DDX4: variants seen among roughly 807,000 people sequenced by gnomAD.
The protein encoded by DDX4 is probable ATP-dependent RNA helicase DDX4.
In DDX4, 25 loss-of-function variants were observed where a neutral mutation model predicts 100.0. The observed-to-expected ratio is 0.25, with a 90% CI of 0.18 to 0.35. The LOEUF is 0.35. DDX4 is among the 10% of genes least tolerant of loss of function. The pLI is 1.00. For synonymous variants in DDX4, 259 were observed against 275.7 expected (o/e 0.94, Z 0.60); for missense variants, 635 against 882.4 (o/e 0.72, Z 3.55).
At chr5:55,807,821 G>C (rs576877502) in intron 18 of DDX4, among the ~76,000 whole-genome samples, 1 of 152,146 alleles carries the variant, frequency 6.6e-6, no homozygotes, top group Non-Finnish European at 1.5e-5. Context: ...TCTTCTCGAG[G>C]AGTATCTTTG....
At chr5:55,770,757 A>C (rs1414075481) in intron 7 of DDX4, among the ~76,000 whole-genome samples, 1 of 152,002 alleles carries the variant, frequency 6.6e-6, no homozygotes, top group African/African-American at 2.4e-5. Flanking sequence ...AATTGTGGAG[A>C]GGGGTGGTGG....
intron 4 of DDX4, among the ~76,000 whole-genome samples, chr5:55,761,230 T>C (rs1448264004): frequency 2.6e-5 from 4 of 152,200 alleles, no homozygotes; most frequent in Non-Finnish European, 5.9e-5. Context: ...TTGGACAATG[T>C]AATTGTGCTA....
At chr5:55,767,025 G>A in intron 6 of DDX4, 1 of 1,482,816 alleles carries the variant, frequency 6.7e-7, no homozygotes, top group Non-Finnish European at 8.9e-7. Flanking sequence ...TAAAACTCTG[G>A]GAATGTTACT....
rs979457128 is a variant in DDX4, at chr5:55,792,762, G to A, written c.1424G>A (p.Arg475His). The change falls in exon 17 of 22, where the codon CGC becomes CAC. Residue 475 changes from arginine to histidine, a missense_variant. Physicochemically the swap from Arg to His is conservative, Grantham distance 29 (BLOSUM62 0). Transcript: ENST00000505374. ...SCPGMPSKEQ[R>H]QTLMFSATFP... ...CCAGGAATGCCATCAAAGGAACAGC[G>A]CCAAACCCTTATGTTCAGTGCAACT... 7 of 1,582,328 alleles carry A rather than the reference G, an allele frequency of 4.4e-6. No homozygotes were observed. Among genetic ancestry groups the A allele is most frequent in the South Asian group, 1.2e-5 (1 of 85,488 alleles).
rs552942548 is a variant in DDX4, at chr5:55,749,052, A to G, written c.127+2831A>G. 9.7e-4 allele frequency among the ~76,000 whole-genome samples: 148 copies of G among 152,324 alleles called. No homozygotes were observed. In the Middle Eastern group the frequency reaches 0.01, roughly 11 times the overall value. On this transcript the variant is annotated intron_variant, in intron 3 of 21. Transcript: ENST00000505374. ...TTGCTTTTATTTAATAGTCATGGAA[A>G]CCCTTCTAAACAACTGGTATTATCT...
At chr5:55,758,420 G>A (rs1271801729) in intron 3 of DDX4, among the ~76,000 whole-genome samples, 1 of 152,092 alleles carries the variant, frequency 6.6e-6, no homozygotes. Flanking sequence ...TGTAGAATGA[G>A]TTGGTGAGTA....
chr5:55,762,965 A>G (rs1436518234), intron 4 of DDX4, among the ~76,000 whole-genome samples: 2 of 152,102 alleles, frequency 1.3e-5, no homozygotes, highest in Non-Finnish European at 2.9e-5. Flanking sequence ...GCTGTGTTTC[A>G]CCGGTAGTAG....
At chr5:55,765,386 T>C (rs913752167) in intron 6 of DDX4, among the ~76,000 whole-genome samples, 3 of 123,434 alleles carry the variant, frequency 2.4e-5, no homozygotes, top group African/African-American at 9.6e-5. Flanking sequence ...TTTTCGTTTT[T>C]AGTTCCCCTA....
intron 7 of DDX4, among the ~76,000 whole-genome samples, chr5:55,770,802 C>T (rs1741208988): frequency 6.6e-6 from 1 of 152,082 alleles, no homozygotes; most frequent in Admixed American, 6.5e-5. Context: ...AAACAAGACT[C>T]ATCTTTTACC....
At chr5:55,757,251 T>G (rs1759998155) in intron 3 of DDX4, among the ~76,000 whole-genome samples, 1 of 152,184 alleles carries the variant, frequency 6.6e-6, no homozygotes, top group Admixed American at 6.5e-5. Context: ...TAGTCTTTTA[T>G]CCCTCACCCC....
chr5:55,812,978 A>G (rs562987604), intron 18 of DDX4, among the ~76,000 whole-genome samples: 2 of 152,090 alleles, frequency 1.3e-5, no homozygotes, highest in South Asian at 4.2e-4. Context: ...ACAGTAATAC[A>G]TTTTTATATG....
intron 18 of DDX4, among the ~76,000 whole-genome samples, chr5:55,812,817 G>A (rs1420309096): frequency 6.6e-6 from 1 of 151,518 alleles, no homozygotes; most frequent in Non-Finnish European, 1.5e-5. Context: ...AGTACTAAAT[G>A]CGTAATATTT....
intron 2 of DDX4, among the ~76,000 whole-genome samples, chr5:55,745,320 A>G (rs1359888991): frequency 6.6e-6 from 1 of 152,226 alleles, no homozygotes; most frequent in Non-Finnish European, 1.5e-5. Context: ...ATTGATGAAT[A>G]TACTGTAATA....
intron 17 of DDX4, among the ~76,000 whole-genome samples, chr5:55,793,739 C>T (rs1164276387): frequency 1.3e-5 from 2 of 152,198 alleles, no homozygotes; most frequent in African/African-American, 4.8e-5. Flanking sequence ...TGAGGAATTA[C>T]CGTGTCATGT....
intron 10 of DDX4, among the ~76,000 whole-genome samples, chr5:55,783,615 C>T (rs1214363580): frequency 6.7e-6 from 1 of 149,998 alleles, no homozygotes; most frequent in Admixed American, 6.6e-5. Context: ...AAAGACAGAC[C>T]AAAAGGAAGG....
intron 14 of DDX4, among the ~76,000 whole-genome samples, chr5:55,787,134 T>C (rs1742295087): frequency 6.6e-6 from 1 of 152,212 alleles, no homozygotes; most frequent in Non-Finnish European, 1.5e-5. Flanking sequence ...GTTTTAGGAC[T>C]AATCTGGGAG....
chr5:55,812,386 C>A (rs937754337), intron 18 of DDX4, among the ~76,000 whole-genome samples: 9 of 152,194 alleles, frequency 5.9e-5, no homozygotes, highest in African/African-American at 2.2e-4. Context: ...ACGGTGAAAC[C>A]CCGTCTCTAC....
intron 18 of DDX4, among the ~76,000 whole-genome samples, chr5:55,803,099 T>TC (rs1460204575): frequency 6.2e-5 from 3 of 48,324 alleles, no homozygotes; most frequent in Non-Finnish European, 8.5e-5. Flanking sequence ...CCCTCCCGCC[T>TC]CCCCCCACCC....
At chr5:55,816,420 ATG>A (rs1231369899) in intron 21 of DDX4, 41 bp from the exon 22 acceptor site, 24 of 1,544,552 alleles carry the variant, frequency 1.6e-5, no homozygotes, top group Non-Finnish European at 1.9e-5. Flanking sequence ...ATAAAATTAA[ATG>A]TTTGTTTGTT....
Sources: gnomAD v4.1 joint callset for allele counts (sites outside exome capture counted in the v4.1 genomes callset) on GRCh38, gnomAD v4.1.1 for gene constraint, MANE v1.5 for transcripts, NCBI Gene and HGNC (gene_info 2026-07-23, HGNC 2026-07-21) for gene names.